RGPD3: variants seen among roughly 807,000 people sequenced by gnomAD.
RGPD3 encodes RANBP2 like and GRIP domain containing 3, also known as ranBP2-like and GRIP domain-containing protein 3.
RGPD3 carries 62 observed loss-of-function variants against 154.5 expected under a neutral mutation model. That is an observed-to-expected ratio of 0.40 (90% CI 0.33 to 0.50). RGPD3 has a LOEUF of 0.50. RGPD3 is among the 20% of genes least tolerant of loss of function. The pLI, the probability that RGPD3 is intolerant of heterozygous loss-of-function variation, is 0.59. For synonymous variants in RGPD3, 308 were observed against 607.0 expected, an observed-to-expected ratio of 0.51 and a Z score of 7.24; for missense variants, 919 against 1,716.8, an observed-to-expected ratio of 0.54 and a Z score of 8.21.
At chr2:106,415,206 A>C (rs1348460123) in intron 21 of RGPD3, among the ~76,000 whole-genome samples, 1 of 150,678 alleles carries the variant, frequency 6.6e-6, no homozygotes, top group East Asian at 2.0e-4. Context: ...TCAGTACTAT[A>C]AATATCAGTT....
intron 17 of RGPD3, among the ~76,000 whole-genome samples, 157 bp downstream of exon 17, chr2:106,432,778 T>TA (rs71272785): frequency 0.5 from 38,153 of 76,080 alleles, 9,262 homozygotes; most frequent in South Asian, 0.63. Flanking sequence ...GACCCTGCCT[T>TA]AAAAAAAAAA....
In RGPD3 at chr2:106,406,838, C is replaced by T. The variant is rs148274252; in HGVS notation, c.5267-1609G>A. On this transcript the variant is annotated intron_variant, in intron 22 of 22. Coordinates refer to ENST00000409886, the MANE Select transcript of RGPD3 (RefSeq NM_001144013.2). ...TACGTATATATGTATGACAGTTTGA[C>T]CTTAGGCAGAGTAGCATTTTCAAAC... Among the ~76,000 whole-genome samples, 782 of 152,250 alleles carry T rather than the reference C, an allele frequency of 5.1e-3. 7 individuals are homozygous for T. The highest frequency in any genetic ancestry group is 0.017 in the African/African-American group (726 of 41,538).
chr2:106,425,006 G>C lies in RGPD3; in HGVS notation c.2961C>G (p.Gly987=). 6.2e-7 allele frequency: 1 copy of C among 1,611,604 alleles called. No individual in the cohort carries two copies. The highest frequency in any genetic ancestry group is 8.5e-7 in the Non-Finnish European group (1 of 1,179,762). Residue 987 remains glycine, a synonymous_variant, in exon 20 of 23, where the codon GGC becomes GGG. Coordinates refer to ENST00000409886, the MANE Select transcript of RGPD3 (RefSeq NM_001144013.2). ...KSTSGEGFQF[G]KKDLNFKGFS... ...ATCCCTTGAAATTGAGGTCTTTTTTGCCAAACTGAAATCCTTCTCCTGAAG... is the reference window on the plus strand; with the variant it reads ...ATCCCTTGAAATTGAGGTCTTTTTTCCCAAACTGAAATCCTTCTCCTGAAG...
rs1277542287 is a variant in RGPD3 at position 106,457,108 on chromosome 2, T to G, written c.268A>C (p.Asn90His). The G allele has an allele frequency of 1.9e-6, 3 of 1,610,882 alleles. No homozygotes were observed. The African/African-American group carries it at 4.0e-5, about 22-fold the overall frequency. Residue 90 changes from asparagine to histidine, a missense_variant, in exon 4 of 23, where the codon AAC (asparagine) becomes CAC (histidine). By Grantham distance (68) the Asn-to-His change is moderately conservative. Coordinates refer to ENST00000409886, the MANE Select transcript of RGPD3 (RefSeq NM_001144013.2). ...VECYRRSVEL[N>H]PTQKDLVLKI... ...AACACAAGATCTTTTTGTGTTGGGTTTAATTCCACTGAACGCTAATATCAG... is the reference window on the plus strand; with the variant it reads ...AACACAAGATCTTTTTGTGTTGGGTGTAATTCCACTGAACGCTAATATCAG...
rs1399686215 is a variant in RGPD3 at position 106,404,278 on chromosome 2, C to A, written c.*941G>T. Among the ~76,000 whole-genome samples the A allele has an allele frequency of 2.0e-5, 3 of 150,118 alleles. No homozygotes were observed. Among genetic ancestry groups the A allele is most frequent in the South Asian group, 2.1e-4 (1 of 4,778 alleles). ...GATTCATGGCTTGCATGCAGTGACA[C>A]CCTATCAAGAGCCTGGAAAGACACC... On this transcript the variant is annotated 3_prime_UTR_variant, in exon 23 of 23. Transcript: ENST00000409886.
At chr2:106,429,392 C>T (rs1362358208) in intron 18 of RGPD3, among the ~76,000 whole-genome samples, 6 of 151,634 alleles carry the variant, frequency 4.0e-5, no homozygotes, top group Non-Finnish European at 7.4e-5. Context: ...AATCTAATCT[C>T]AGCTCATCTG....
At chr2:106,468,440 T>C (rs1678719744), upstream of RGPD3, 15 of 1,456,372 alleles carry the variant, frequency 1.0e-5, no homozygotes, top group Non-Finnish European at 1.4e-5. Context: ...GCGTCAACAG[T>C]GTGTGGAACG....
intron 22 of RGPD3, among the ~76,000 whole-genome samples, chr2:106,412,293 GTTTTTTTTTTTTTTTTTTTTTTTT>G (rs772813472): frequency 6.4e-4 from 29 of 45,018 alleles, no homozygotes; most frequent in South Asian, 2.9e-3. Flanking sequence ...CTACATCATA[GTTTTTTTTTTTTTTTTTTTTTTTT>G]TTTTTTTTTT....
intron 1 of RGPD3, among the ~76,000 whole-genome samples, chr2:106,464,176 T>G (rs1274367844): frequency 2.6e-5 from 4 of 151,890 alleles, no homozygotes; most frequent in Non-Finnish European, 4.4e-5. Flanking sequence ...AAACCCCGTC[T>G]CTACTAAAAA....
intron 8 of RGPD3, among the ~76,000 whole-genome samples, chr2:106,440,150 A>G (rs560146472): frequency 3.5e-4 from 36 of 101,996 alleles, no homozygotes; most frequent in African/African-American, 1.3e-3. Context: ...GTAACTGCTA[A>G]TAGGTAAGGA....
At chr2:106,420,802 T>C (rs1676960649) in intron 20 of RGPD3, among the ~76,000 whole-genome samples, 1 of 152,404 alleles carries the variant, frequency 6.6e-6, no homozygotes, top group East Asian at 1.9e-4. Flanking sequence ...TGAGATGCGG[T>C]CTTCCTTTGT....
At chr2:106,414,063 A>G (rs1676749687) in intron 21 of RGPD3, among the ~76,000 whole-genome samples, 1 of 152,106 alleles carries the variant, frequency 6.6e-6, no homozygotes, top group African/African-American at 2.4e-5. Context: ...CACTTAATCA[A>G]AAGTTCAGAC....
At chr2:106,444,846 C>A (rs1257500380) in intron 7 of RGPD3, among the ~76,000 whole-genome samples, 1 of 139,208 alleles carries the variant, frequency 7.2e-6, no homozygotes, top group South Asian at 2.3e-4. Flanking sequence ...GTAGGCTGTG[C>A]GCAGTAGCTC....
intron 1 of RGPD3, among the ~76,000 whole-genome samples, chr2:106,468,001 A>C (rs1459251110): frequency 3.0e-4 from 42 of 139,972 alleles, no homozygotes; most frequent in African/African-American, 1.0e-3. Context: ...GCGCCTCAAC[A>C]GAGCGCGCCA....
chr2:106,470,778 G>C (rs535670534), upstream of RGPD3: 263 of 1,579,728 alleles, frequency 1.7e-4, 5 homozygotes, highest in South Asian at 3.0e-3. Flanking sequence ...TAACTTTTTG[G>C]CAACACCTAG....
In RGPD3 at chr2:106,425,088, C is replaced by A. The variant is rs747856409; in HGVS notation, c.2879G>T (p.Gly960Val). ...GCTACTTGTTTGGCCAAAAATCACACCACGGCCCTTCTTCCGGCCACTAAT... is the reference window on the plus strand; with the variant it reads ...GCTACTTGTTTGGCCAAAAATCACAACACGGCCCTTCTTCCGGCCACTAAT... The part of the protein sequence containing the change: ...QDISGRKKGR[G>V]VIFGQTSSTF... Residue 960 changes from glycine (G) to valine (V), a missense_variant, in exon 20 of 23, where the codon GGT becomes GTT. Transcript: ENST00000409886. The A allele has an allele frequency of 1.2e-6, 2 of 1,611,838 alleles. No homozygotes were observed. The highest frequency in any genetic ancestry group is 1.3e-5 in the African/African-American group (1 of 74,826).
chr2:106,450,632 A>C (rs1337295277), intron 6 of RGPD3, among the ~76,000 whole-genome samples: 1 of 92,516 alleles, frequency 1.1e-5, no homozygotes, highest in East Asian at 6.7e-4. Flanking sequence ...ATTGAGAGGA[A>C]ATTGTGAAGC....
At chr2:106,434,123 C>G (rs1368341929) in intron 15 of RGPD3, 105 bp downstream of exon 15, 1 of 1,590,252 alleles carries the variant, frequency 6.3e-7, no homozygotes, top group African/African-American at 1.3e-5. Context: ...TTAATAACAA[C>G]ATATTACTGA....
chr2:106,468,868 AAG>A (rs1340603808), upstream of RGPD3, among the ~76,000 whole-genome samples: 2 of 148,148 alleles, frequency 1.3e-5, no homozygotes, highest in Non-Finnish European at 3.0e-5. Context: ...CTGAGGAACT[AAG>A]AGCCCAGGAA....
Sources: gnomAD v4.1 joint callset for allele counts (sites outside exome capture counted in the v4.1 genomes callset) on GRCh38, gnomAD v4.1.1 for gene constraint, MANE v1.5 for transcripts, NCBI Gene and HGNC (gene_info 2026-07-23, HGNC 2026-07-21) for gene names.